TLN1: variants seen among roughly 807,000 people sequenced by gnomAD.
TLN1 encodes the protein talin-1.
Under a neutral mutation model 292.3 loss-of-function variants are expected in TLN1, and 56 were observed. The ratio of observed to expected loss-of-function variants is 0.19; its 90% CI spans 0.15 to 0.24. The LOEUF (loss-of-function observed/expected upper bound fraction) is 0.24, where lower values mean the gene tolerates loss of function less well. Ranked by LOEUF, TLN1 falls within the 10% of genes least tolerant of loss-of-function variation. TLN1 has a pLI of 1.00. For synonymous variants in TLN1, 1,119 were observed against 1,253.7 expected, an observed-to-expected ratio of 0.89 and a Z score of 2.27; for missense variants, 2,433 against 3,248.2, an observed-to-expected ratio of 0.75 and a Z score of 6.10.
In TLN1 at chr9:35,710,506, A is replaced by G. The variant is rs75341701; in HGVS notation, c.4326+55T>C. 3.3e-3 allele frequency: 5,168 copies of G among 1,581,298 alleles called. 136 individuals carry two copies. In the African/African-American group the frequency reaches 0.061, roughly 19 times the overall value. On this transcript the variant is annotated intron_variant, in intron 33 of 56. Coordinates refer to ENST00000314888, the MANE Select transcript of TLN1 (RefSeq NM_006289.4). ...ATCTACAGGTATGTCAGGCTGAGAG[A>G]AAATGGGGTAAAGAAAGTAGGGGCC...
In TLN1 at chr9:35,698,258, A is replaced by G. The variant is rs1825402341; in HGVS notation, c.7371+65T>C. 2.5e-6 allele frequency: 4 copies of G among 1,607,892 alleles called. No individual in the cohort carries two copies. The highest frequency in any genetic ancestry group is 3.4e-6 in the Non-Finnish European group (4 of 1,175,506). On this transcript the variant is annotated intron_variant, in intron 55 of 56. Coordinates refer to ENST00000314888, the MANE Select transcript of TLN1 (RefSeq NM_006289.4). The surrounding 1 kb of genome is among the most constrained non-coding windows in gnomAD (Gnocchi z 5.3). ...CCTCAATTCTCTCATAGAAACATAC[A>G]TCTCGGGAGTGACAGTTTGAAGCAG...
Position 35,712,846 on chromosome 9 carries a change from G to T in TLN1, c.3550C>A (p.Arg1184=). 1.3e-6 allele frequency: 2 copies of T among 1,581,002 alleles called. No homozygotes were observed. The highest frequency in any genetic ancestry group is 1.7e-6 in the Non-Finnish European group (2 of 1,161,786). The change falls in exon 27 of 57, where the codon CGG becomes AGG. Residue 1184 remains arginine, a synonymous_variant. Transcript: ENST00000314888. ...GHPGDPESQQ[R]LAQVAKAVTQ... is the part of the protein sequence containing the mutation. ...TCCCAGTATCTGACCTGGGCAAGCC[G>T]CTGCTGGCTCTCAGGGTCCCCTGGA... is the stretch of plus-strand genomic sequence containing the variant.
chr9:35,698,879 T>C lies in TLN1; in HGVS notation c.7054A>G (p.Ile2352Val). 2 of 1,614,154 alleles carry C rather than the reference T, an allele frequency of 1.2e-6. No homozygotes were observed. Among genetic ancestry groups the C allele is most frequent in the Non-Finnish European group, 1.7e-6 (2 of 1,180,014 alleles). ...EEQILEAAKSIAAATSALVKA... is the reference protein window; with the variant it reads ...EEQILEAAKSVAAATSALVKA... ...ACCAGTGCACTGGTGGCTGCTGCAA[T>C]GGACTTGGCAGCTTCTAGTATCTGC... Residue 2352 changes from isoleucine to valine, a missense_variant, in exon 53 of 57, where the codon ATT becomes GTT. Ile to Val is a conservative substitution (Grantham distance 29, BLOSUM62 3). Coordinates refer to ENST00000314888, the MANE Select transcript of TLN1 (RefSeq NM_006289.4). The surrounding 1 kb of genome is among the most constrained non-coding windows in gnomAD (Gnocchi z 5.3).
intron 20 of TLN1, among the ~76,000 whole-genome samples, chr9:35,715,416 T>G (rs1825759699): frequency 6.6e-6 from 1 of 152,100 alleles, no homozygotes; most frequent in Non-Finnish European, 1.5e-5. Flanking sequence ...TTTCTTAAGG[T>G]GGAATTGTTT....
Position 35,698,120 on chromosome 9 carries a change from T to G in TLN1, c.7424A>C (p.Gln2475Pro). ...RASDNLVKAA[Q>P]KAAAFEEQEN... ...CTGCTCTTCAAAGGCTGCAGCCTTC[T>G]GTGCTGCTTTCACCAGATTATCTGA... Residue 2475 changes from glutamine to proline, a missense_variant, in exon 56 of 57, where the codon CAG becomes CCG. This residue lies in a region of TLN1 where 141 missense variants were observed against 248.5 expected (regional missense o/e 0.57). Coordinates refer to ENST00000314888, the MANE Select transcript of TLN1 (RefSeq NM_006289.4). This position sits in a 1 kb window ranked among gnomAD's most constrained non-coding sequence, Gnocchi z 5.3. The G allele has an allele frequency of 6.2e-7, 1 of 1,614,110 alleles. No individual in the cohort carries two copies. Among genetic ancestry groups the G allele is most frequent in the Non-Finnish European group, 8.5e-7 (1 of 1,180,052 alleles).
In TLN1 at chr9:35,719,040, G is replaced by A. The variant is rs371137173; in HGVS notation, c.1896+34C>T. On this transcript the variant is annotated intron_variant, in intron 16 of 56. Transcript: ENST00000314888. This position sits in a 1 kb window ranked among gnomAD's most constrained non-coding sequence, Gnocchi z 4.6. ...CCCCTTCTCCTTGGGCTTGAACCCTGTCTCCACCCTAACCCAAACCTGTGG... is the reference window on the plus strand; with the variant it reads ...CCCCTTCTCCTTGGGCTTGAACCCTATCTCCACCCTAACCCAAACCTGTGG... 5.0e-6 allele frequency: 8 copies of A among 1,602,020 alleles called. No individual in the cohort carries two copies. In the African/African-American group the frequency reaches 6.7e-5, roughly 13 times the overall value.
At chr9:35,709,328 A>G (rs1262369292) in intron 33 of TLN1, among the ~76,000 whole-genome samples, 2 of 152,132 alleles carry the variant, frequency 1.3e-5, no homozygotes, top group Admixed American at 1.3e-4. Flanking sequence ...AAAAAACAAA[A>G]AAACAAAATC....
Position 35,720,044 on chromosome 9 carries a change from G to C in TLN1, c.1459C>G (p.Pro487Ala). Residue 487 changes from proline to alanine, a missense_variant, in exon 13 of 57, where the codon CCT (proline) becomes GCT (alanine). By Grantham distance (27) the Pro-to-Ala change is conservative. Coordinates refer to ENST00000314888, the MANE Select transcript of TLN1 (RefSeq NM_006289.4). The stretch of plus-strand genomic sequence containing the variant: ...GGTGGAAGTGGGACACTTACCAGAG[G>C]AGGCATGTGTCCTCGGTGCATCTGG... ...SGQMHRGHMP[P>A]LTSAQQALTG... 1 of 1,586,770 alleles carries C rather than the reference G, an allele frequency of 6.3e-7. No homozygotes were observed. Among genetic ancestry groups the C allele is most frequent in the Non-Finnish European group, 8.6e-7 (1 of 1,166,554 alleles).
At chr9:35,730,534 G>A (rs1587993668) in intron 1 of TLN1, among the ~76,000 whole-genome samples, 1 of 151,928 alleles carries the variant, frequency 6.6e-6, no homozygotes, top group East Asian at 1.9e-4. Context: ...CAGATGACCA[G>A]GTGGAATGTA....
Position 35,698,907 on chromosome 9 carries a change from C to T in TLN1, c.7026G>A (p.Glu2342=). 2 of 1,614,132 alleles carry T rather than the reference C, an allele frequency of 1.2e-6. No individual in the cohort carries two copies. The change falls in exon 53 of 57, where the codon GAG becomes GAA. Residue 2342 remains glutamate, a synonymous_variant. Coordinates refer to ENST00000314888, the MANE Select transcript of TLN1 (RefSeq NM_006289.4). The surrounding 1 kb of genome is among the most constrained non-coding windows in gnomAD (Gnocchi z 5.3). ...ACTTGGCAGCTTCTAGTATCTGCTC[C>T]TCAAAGTTCAAGGACTCATCTGCCT... ...PKEADESLNF[E]EQILEAAKSI...
chr9:35,702,151 G>A (rs965901664), intron 48 of TLN1, among the ~76,000 whole-genome samples: 1 of 152,164 alleles, frequency 6.6e-6, no homozygotes, highest in Admixed American at 6.5e-5. Context: ...TGGATATGGT[G>A]GCTAAGATGG....
Position 35,724,264 on chromosome 9 carries a change from C to T in TLN1, c.582G>A (p.Arg194=), listed in dbSNP as rs140509760. ...TCTGGTCTGAGTAAAAGAACTTCCTCCGCAGCAGCAGCGTCTCGTGCTCCT... is the reference window on the plus strand; with the variant it reads ...TCTGGTCTGAGTAAAAGAACTTCCTTCGCAGCAGCAGCGTCTCGTGCTCCT... ...GVEEHETLLL[R]RKFFYSDQNV... is the part of the protein sequence containing the mutation. The change falls in exon 6 of 57, where the codon CGG becomes CGA. Residue 194 remains arginine, a synonymous_variant. Coordinates refer to ENST00000314888, the MANE Select transcript of TLN1 (RefSeq NM_006289.4). The surrounding 1 kb of genome is among the most constrained non-coding windows in gnomAD (Gnocchi z 4.7). 145 of 1,614,062 alleles carry T rather than the reference C, an allele frequency of 9.0e-5. No individual in the cohort carries two copies. Among genetic ancestry groups the T allele is most frequent in the Non-Finnish European group, 1.2e-4 (140 of 1,180,042 alleles).
Position 35,714,736 on chromosome 9 carries a change from C to T in TLN1, c.2871+24G>A, listed in dbSNP as rs1326739774. On this transcript the variant is annotated intron_variant, in intron 22 of 56. Coordinates refer to ENST00000314888, the MANE Select transcript of TLN1 (RefSeq NM_006289.4). This position sits in a 1 kb window ranked among gnomAD's most constrained non-coding sequence, Gnocchi z 4.6. ...GACCCACAAGTCTCCCTCTTCCACT[C>T]CCACATCCTTCCTAGAGTCTTACCT... 2 of 1,609,682 alleles carry T rather than the reference C, an allele frequency of 1.2e-6. No homozygotes were observed. The highest frequency in any genetic ancestry group is 3.3e-5 in the Admixed American group (2 of 59,782).
chr9:35,728,066 C>A (rs374487353), intron 1 of TLN1, among the ~76,000 whole-genome samples: 1 of 152,166 alleles, frequency 6.6e-6, no homozygotes, highest in Non-Finnish European at 1.5e-5. Flanking sequence ...TCCCCACTGC[C>A]GTGTCCCCCT....
At position 35,704,696 on chromosome 9, in the gene TLN1, T is replaced by C. The variant is rs1460518301; in HGVS notation, c.5853A>G (p.Ile1951Met). Residue 1951 changes from isoleucine to methionine, a missense_variant, in exon 44 of 57, where the codon ATA (isoleucine) becomes ATG (methionine). Transcript: ENST00000314888. This position sits in a 1 kb window ranked among gnomAD's most constrained non-coding sequence, Gnocchi z 6.9. ...TCTCAGAGACTCTCCGGGCACACTCTATGAGCTCCTTCTTGGTGTAGGCAT... is the reference window on the plus strand; with the variant it reads ...TCTCAGAGACTCTCCGGGCACACTCCATGAGCTCCTTCTTGGTGTAGGCAT... Reference protein sequence around the residue: ...PSDAYTKKELIECARRVSEKV... With the variant: ...PSDAYTKKELMECARRVSEKV... 2 of 1,614,020 alleles carry C rather than the reference T, an allele frequency of 1.2e-6. No individual in the cohort carries two copies. Among genetic ancestry groups the C allele is most frequent in the East Asian group, 4.5e-5 (2 of 44,884 alleles).
In TLN1 at chr9:35,704,187, C is replaced by T. The variant is rs372348259; in HGVS notation, c.6048-13G>A. 7 of 1,577,588 alleles carry T rather than the reference C, an allele frequency of 4.4e-6. No individual in the cohort carries two copies. The African/African-American group carries it at 9.5e-5, about 21-fold the overall frequency. ...CAGGATGCCCTCCCTGAGGGAGGGC[C>T]CAGCTTAGTCAGATCTCCCCTACCC... is the stretch of plus-strand genomic sequence containing the variant. On this transcript the variant is annotated splice_polypyrimidine_tract_variant and intron_variant, in intron 45 of 56. Coordinates refer to ENST00000314888, the MANE Select transcript of TLN1 (RefSeq NM_006289.4). This position sits in a 1 kb window ranked among gnomAD's most constrained non-coding sequence, Gnocchi z 6.9.
Position 35,722,888 on chromosome 9 carries a change from C to T in TLN1, c.816G>A (p.Lys272=). Reference sequence around the variant, plus strand: ...GGAAGATCTTACGCTCTCCCTTCTGCTTCACATACTCCTTGGGCAGGAAGT... The same window carrying T: ...GGAAGATCTTACGCTCTCCCTTCTGTTTCACATACTCCTTGGGCAGGAAGT... ...LKDFLPKEYV[K]QKGERKIFQA... is the part of the protein sequence containing the mutation. The change falls in exon 8 of 57, where the codon AAG becomes AAA. Residue 272 remains lysine (K), a synonymous_variant. Coordinates refer to ENST00000314888, the MANE Select transcript of TLN1 (RefSeq NM_006289.4). 1.2e-6 allele frequency: 2 copies of T among 1,614,040 alleles called. No homozygotes were observed. Among genetic ancestry groups the T allele is most frequent in the Non-Finnish European group, 8.5e-7 (1 of 1,179,940 alleles).
At position 35,714,707 on chromosome 9, in the gene TLN1, A is replaced by G; in HGVS notation, c.2872-20T>C. On this transcript the variant is annotated intron_variant, in intron 22 of 56. Transcript: ENST00000314888. The surrounding 1 kb of genome is among the most constrained non-coding windows in gnomAD (Gnocchi z 4.6). ...CACTGCCTGTAGGTGAAAATGTCAT[A>G]AGAGACCCACAAGTCTCCCTCTTCC... 1 of 1,613,578 alleles carries G rather than the reference A, an allele frequency of 6.2e-7. No homozygotes were observed.
In TLN1 at chr9:35,720,802, C is replaced by G; in HGVS notation, c.1206+10G>C. On this transcript the variant is annotated intron_variant, in intron 11 of 56. Transcript: ENST00000314888. ...GCGATAAGGAGAAGGCTAGGGCAGG[C>G]AGTGCTCACCTTCTTCAGGATGATA... The G allele has an allele frequency of 1.2e-6, 2 of 1,612,660 alleles. No individual in the cohort carries two copies. Among genetic ancestry groups the G allele is most frequent in the Non-Finnish European group, 1.7e-6 (2 of 1,178,736 alleles).
Sources: allele counts gnomAD v4.1 joint callset (sites outside exome capture counted in the v4.1 genomes callset), GRCh38; gene constraint gnomAD v4.1.1; regional missense constraint gnomAD v4.1.1; non-coding constraint Gnocchi (gnomAD v3.1); transcripts MANE v1.5; gene names NCBI Gene and HGNC (gene_info 2026-07-23, HGNC 2026-07-21).